Variants in TEAD4 observed in about 807,000 individuals in gnomAD.
The protein encoded by TEAD4 is TEA domain transcription factor 4.
TEAD4 carries 36 observed loss-of-function variants against 52.4 expected under a neutral mutation model. That is an observed-to-expected ratio of 0.69 (90% CI 0.53 to 0.91). The LOEUF (loss-of-function observed/expected upper bound fraction) is 0.91, where lower values mean the gene tolerates loss of function less well. Ranked by LOEUF, TEAD4 falls within the 40% of genes least tolerant of loss-of-function variation. The probability of loss-of-function intolerance (pLI) is 0.00; values close to 1 mark genes in which losing one functional copy is unlikely to be tolerated. For missense variants in TEAD4, 508 were observed against 583.9 expected, an observed-to-expected ratio of 0.87 and a Z score of 1.34; for synonymous variants, 220 against 231.0, an observed-to-expected ratio of 0.95 and a Z score of 0.43.
chr12:3,020,255 T>C (rs2098267713), intron 8 of TEAD4, among the ~76,000 whole-genome samples: 1 of 152,202 alleles, frequency 6.6e-6, no homozygotes, highest in Non-Finnish European at 1.5e-5. Context: ...ATTGTAATAG[T>C]GGATTCATCT....
chr12:3,029,277 A>C (rs1591597684), intron 10 of TEAD4, among the ~76,000 whole-genome samples: 1 of 125,042 alleles, frequency 8.0e-6, no homozygotes, highest in Non-Finnish European at 1.6e-5. Context: ...TCACTCTGTC[A>C]CCCAGGCCGG....
intron 5 of TEAD4, among the ~76,000 whole-genome samples, chr12:3,015,226 G>A (rs1019209486): frequency 3.9e-5 from 6 of 152,054 alleles, no homozygotes; most frequent in Admixed American, 6.6e-5. Context: ...TCTATGGTGC[G>A]TCTCCCCCGA....
intron 2 of TEAD4, among the ~76,000 whole-genome samples, chr12:2,989,481 C>A (rs1298064463): frequency 1.3e-5 from 2 of 152,164 alleles, no homozygotes; most frequent in African/African-American, 4.8e-5. Context: ...TTCTGTCGCC[C>A]AGGCTGGAGT....
At position 3,022,800 on chromosome 12, in the gene TEAD4, T is replaced by C. The variant is rs541288557; in HGVS notation, c.897+783T>C. Among the ~76,000 whole-genome samples the C allele has an allele frequency of 1.3e-4, 20 of 152,262 alleles. No homozygotes were observed. The South Asian group carries it at 3.1e-3, about 24-fold the overall frequency. On this transcript the variant is annotated intron_variant, in intron 10 of 12. Transcript: ENST00000359864. Reference sequence around the variant, plus strand: ...AGGGCAGGAAATCAGGCTCTGTGACTGAGGCCTCCAGTATTCTCAGGACAC... The same window carrying C: ...AGGGCAGGAAATCAGGCTCTGTGACCGAGGCCTCCAGTATTCTCAGGACAC...
chr12:3,013,815 G>A (rs373768175), intron 5 of TEAD4, among the ~76,000 whole-genome samples: 1 of 152,176 alleles, frequency 6.6e-6, no homozygotes, highest in Non-Finnish European at 1.5e-5. Context: ...TGGAGGCTGC[G>A]GTGGGCTGTG....
At position 3,010,984 on chromosome 12, in the gene TEAD4, G is replaced by GGCTGCTGGTGTC; in HGVS notation, c.227-19_227-8dup. 6.2e-7 allele frequency: 1 copy of GGCTGCTGGTGTC among 1,614,042 alleles called. No individual in the cohort carries two copies. The highest frequency in any genetic ancestry group is 1.1e-5 in the South Asian group (1 of 91,082). ...CCTTTTGTCCTTCTCTCCACTGAGA[G>GGCTGCTGGTGTC]GCTGCTGGTGTCTCTGCAGGTCGGA... is the stretch of plus-strand genomic sequence containing the variant. On this transcript the variant is annotated intron_variant, in intron 3 of 12. Transcript: ENST00000359864.
chr12:3,024,947 C>CT (rs201562197), intron 10 of TEAD4, among the ~76,000 whole-genome samples: 9 of 137,088 alleles, frequency 6.6e-5, no homozygotes, highest in African/African-American at 2.4e-4. Flanking sequence ...ACGTGTTATT[C>CT]TTTTTTTTTT....
intron 10 of TEAD4, among the ~76,000 whole-genome samples, chr12:3,032,303 ACCGTGTGCTCCAG>A (rs1183159947): frequency 6.6e-6 from 1 of 152,038 alleles, no homozygotes; most frequent in Non-Finnish European, 1.5e-5. Flanking sequence ...TCCCTTGTGG[ACCGTGTGCTCCAG>A]CCGTGTGCTG....
At chr12:3,020,388 T>A (rs1220667979) in intron 8 of TEAD4, among the ~76,000 whole-genome samples, 1 of 150,664 alleles carries the variant, frequency 6.6e-6, no homozygotes, top group Non-Finnish European at 1.5e-5. Context: ...GCTCGGCGGT[T>A]CCATGCAGAG....
chr12:3,019,206 G>A, intron 8 of TEAD4, 36 bp downstream of exon 8: 2 of 1,610,386 alleles, frequency 1.2e-6, no homozygotes, highest in Non-Finnish European at 1.7e-6. Context: ...TTCTATCGCA[G>A]CCATGTGGCT....
intron 3 of TEAD4, among the ~76,000 whole-genome samples, chr12:3,002,625 G>A (rs1441348061): frequency 6.6e-6 from 1 of 152,208 alleles, no homozygotes; most frequent in African/African-American, 2.4e-5. Context: ...CTTTCCATGA[G>A]GTTATTGGAA....
rs1385179586 is a variant in TEAD4, at chr12:2,960,000, G to C, written c.-70G>C. The C allele has an allele frequency of 6.6e-6, 1 of 152,342 alleles. No homozygotes were observed. Among genetic ancestry groups the C allele is most frequent in the Non-Finnish European group, 1.5e-5 (1 of 68,162 alleles). 9.4% of individuals were successfully genotyped at this position (152,342 alleles called of 1,614,324 possible). On this transcript the variant is annotated 5_prime_UTR_variant, in exon 2 of 13. Transcript: ENST00000359864. The surrounding 1 kb of genome is among the most constrained non-coding windows in gnomAD (Gnocchi z 5.1). ...CGCTCGGGGCGGACTCCTTGGAACT[G>C]GCTTAGCGCACCCATCCCACCTTCC... is the stretch of plus-strand genomic sequence containing the variant.
chr12:3,019,007 T>C, intron 7 of TEAD4, 108 bp from the exon 8 acceptor site: 2 of 1,413,288 alleles, frequency 1.4e-6, no homozygotes, highest in South Asian at 2.4e-5. Flanking sequence ...TCGGGACCAC[T>C]GAAATCCAGA....
intron 2 of TEAD4, among the ~76,000 whole-genome samples, chr12:2,978,556 A>G (rs1237716085): frequency 6.6e-6 from 1 of 151,918 alleles, no homozygotes; most frequent in African/African-American, 2.4e-5. Context: ...GGCCTGCGCC[A>G]CCGCCCCTGG....
chr12:3,022,333 G>C (rs2098269293), intron 10 of TEAD4, among the ~76,000 whole-genome samples: 1 of 152,196 alleles, frequency 6.6e-6, no homozygotes, highest in Non-Finnish European at 1.5e-5. Flanking sequence ...GGGACCCTGC[G>C]GGGATAAGTG....
intron 2 of TEAD4, among the ~76,000 whole-genome samples, chr12:2,969,299 C>T (rs1041194768): frequency 6.6e-6 from 1 of 152,148 alleles, no homozygotes; most frequent in Non-Finnish European, 1.5e-5. Flanking sequence ...ATGATAAGTT[C>T]TCTAGAAATG....
At chr12:2,989,142 C>T (rs762952701) in intron 2 of TEAD4, among the ~76,000 whole-genome samples, 3 of 152,060 alleles carry the variant, frequency 2.0e-5, no homozygotes, top group African/African-American at 2.4e-5. Flanking sequence ...CCTGTGGAAC[C>T]GAGCCCCCAC....
At chr12:2,980,884 T>G (rs966250796) in intron 2 of TEAD4, among the ~76,000 whole-genome samples, 5 of 152,098 alleles carry the variant, frequency 3.3e-5, no homozygotes, top group Non-Finnish European at 7.4e-5. Context: ...AAAAGCAGCA[T>G]CATGATGGGC....
chr12:2,973,856 C>T (rs912571221), intron 2 of TEAD4, among the ~76,000 whole-genome samples: 3 of 152,058 alleles, frequency 2.0e-5, no homozygotes, highest in Non-Finnish European at 2.9e-5. Context: ...GAATGGGAGG[C>T]GCGGTAACTG....
Sources: gnomAD v4.1 joint callset for allele counts (sites outside exome capture counted in the v4.1 genomes callset) on GRCh38, gnomAD v4.1.1 for gene constraint, Gnocchi (gnomAD v3.1) non-coding constraint, MANE v1.5 for transcripts, NCBI Gene and HGNC (gene_info 2026-07-23, HGNC 2026-07-21) for gene names.